The following DYSF variants were observed in gnomAD, a reference collection of about 807,000 sequenced individuals.
The protein encoded by DYSF is dystrophy-associated fer-1-like 1.
In DYSF, 212 loss-of-function variants were observed where a neutral mutation model predicts 274.9. The observed-to-expected ratio is 0.77, with a 90% CI of 0.69 to 0.86. The LOEUF is 0.86. DYSF is among the 40% of genes least tolerant of loss of function. The pLI is 0.00. For synonymous variants in DYSF, 1,091 were observed against 1,078.7 expected, an observed-to-expected ratio of 1.01 and a Z score of -0.22; for missense variants, 2,666 against 2,783.2, an observed-to-expected ratio of 0.96 and a Z score of 0.95.
At chr2:71,531,345 G>T (rs1650980476) in intron 14 of DYSF, among the ~76,000 whole-genome samples, 1 of 151,974 alleles carries the variant, frequency 6.6e-6, no homozygotes, top group African/African-American at 2.4e-5. Context: ...AAATGTATTT[G>T]CAAGCCCAAA....
At chr2:71,530,697 G>A (rs533970224) in intron 14 of DYSF, among the ~76,000 whole-genome samples, 3 of 152,296 alleles carry the variant, frequency 2.0e-5, no homozygotes, top group Admixed American at 2.0e-4. Context: ...AGCCTCCTCG[G>A]TGGACCCCAG....
chr2:71,572,318 AATCACACCCAGCACACCCACAG>A (rs2092540502), intron 29 of DYSF, among the ~76,000 whole-genome samples: 1 of 94,464 alleles, frequency 1.1e-5, no homozygotes, highest in Non-Finnish European at 2.2e-5. Context: ...AGCACACAGA[AATCACACCCAGCACACCCACAG>A]ATCACACCCA....
chr2:71,512,341 T>C (rs1416226449), intron 5 of DYSF, among the ~76,000 whole-genome samples: 1 of 152,192 alleles, frequency 6.6e-6, no homozygotes, highest in Non-Finnish European at 1.5e-5. Flanking sequence ...CCTTTGGTGA[T>C]GGTGTGTGAC....
upstream of DYSF, among the ~76,000 whole-genome samples, chr2:71,465,403 G>C (rs1043841436): frequency 4.6e-5 from 7 of 152,162 alleles, no homozygotes; most frequent in African/African-American, 1.7e-4. Flanking sequence ...AGCAAACTGA[G>C]AGTGAGGTTG....
intron 22 of DYSF, among the ~76,000 whole-genome samples, chr2:71,560,862 A>G (rs1240648261): frequency 1.3e-5 from 2 of 151,622 alleles, no homozygotes; most frequent in African/African-American, 4.8e-5. Flanking sequence ...CAAGGGGGTG[A>G]GGTGGGGGCA....
At chr2:71,573,959 A>G (rs930622630) in intron 29 of DYSF, among the ~76,000 whole-genome samples, 8 of 151,990 alleles carry the variant, frequency 5.3e-5, no homozygotes, top group African/African-American at 1.7e-4. Flanking sequence ...GGTAGCTGGG[A>G]TTACAGACAT....
chr2:71,641,178 A>ATTTTTTTTTTTTT (rs10683765), intron 41 of DYSF, among the ~76,000 whole-genome samples: 1 of 124,544 alleles, frequency 8.0e-6, no homozygotes, highest in African/African-American at 3.2e-5. Flanking sequence ...ATGTTTATCT[A>ATTTTTTTTTTTTT]TTTTTTTTTT....
intron 42 of DYSF, 136 bp from the exon 43 acceptor site, chr2:71,656,026 T>G (rs1553408191): frequency 4.1e-6 from 5 of 1,206,560 alleles, no homozygotes; most frequent in Non-Finnish European, 6.0e-6. Flanking sequence ...CTCCTTTTCT[T>G]CTTCTCTCTT....
intron 36 of DYSF, among the ~76,000 whole-genome samples, chr2:71,604,843 A>G (rs942730790): frequency 6.6e-6 from 1 of 152,180 alleles, no homozygotes; most frequent in African/African-American, 2.4e-5. Context: ...AAGAGGTGCC[A>G]CTGAGCTAGC....
intron 32 of DYSF, among the ~76,000 whole-genome samples, chr2:71,593,333 G>A (rs181002146): frequency 6.6e-6 from 1 of 151,994 alleles, no homozygotes; most frequent in African/African-American, 2.4e-5. Flanking sequence ...ATTTCCCCTT[G>A]TTGGCCAGGC....
At chr2:71,518,105 A>G (rs2086847541) in intron 10 of DYSF, among the ~76,000 whole-genome samples, 1 of 152,120 alleles carries the variant, frequency 6.6e-6, no homozygotes, top group South Asian at 2.1e-4. Context: ...GAGGCAGTGG[A>G]GAGAGGGGAA....
At chr2:71,681,556 C>T (rs1284647886) in intron 54 of DYSF, among the ~76,000 whole-genome samples, 1 of 152,236 alleles carries the variant, frequency 6.6e-6, no homozygotes, top group Non-Finnish European at 1.5e-5. Flanking sequence ...ACCAAGCTGC[C>T]TTCGGTGGCT....
chr2:71,613,367 T>C lies in DYSF; in HGVS notation c.4421T>C (p.Val1474Ala), dbSNP rs1574354256. 6.2e-7 allele frequency: 1 copy of C among 1,613,596 alleles called. No homozygotes were observed. The change falls in exon 40 of 56, where the codon GTG becomes GCG. Residue 1474 changes from valine (V) to alanine (A), a missense_variant. By Grantham distance (64) the Val-to-Ala change is moderately conservative. This residue lies in a region of DYSF where 1,460 missense variants were observed against 1,502.1 expected (regional missense o/e 0.97). Transcript: ENST00000410020. ...AGCCTACTCAGTCCTGGGGAAGACG[T>C]GCTCATCGACATTGATGACAAGGAG... ...DVSLLSPGED[V>A]LIDIDDKEPL... is the part of the protein sequence containing the mutation.
intron 17 of DYSF, among the ~76,000 whole-genome samples, chr2:71,545,557 TA>T (rs2090400842): frequency 6.6e-6 from 1 of 152,146 alleles, no homozygotes; most frequent in Admixed American, 6.5e-5. Context: ...TTGGGGGTGG[TA>T]ATGCAGACAG....
chr2:71,581,015 A>G (rs1284983608), intron 30 of DYSF, among the ~76,000 whole-genome samples: 2 of 152,228 alleles, frequency 1.3e-5, no homozygotes, highest in Non-Finnish European at 2.9e-5. Flanking sequence ...GAGTGACCAT[A>G]TAATTTACTG....
At position 71,611,587 on chromosome 2, in the gene DYSF, G is replaced by A; in HGVS notation, c.4182G>A (p.Lys1394=). 1 of 1,614,082 alleles carries A rather than the reference G, an allele frequency of 6.2e-7. No homozygotes were observed. The highest frequency in any genetic ancestry group is 8.5e-7 in the Non-Finnish European group (1 of 1,180,012). ...CCTGTGTCATCAGGAACCTCCGGAA[G>A]AACCCCAACTTTGACATCTGCACCC... ...VQSCVIRNLR[K]NPNFDICTLF... The change falls in exon 38 of 56, where the codon AAG becomes AAA. Residue 1394 remains lysine, a synonymous_variant. Transcript: ENST00000410020.
intron 14 of DYSF, among the ~76,000 whole-genome samples, chr2:71,529,126 A>G (rs1483908266): frequency 6.6e-6 from 1 of 152,228 alleles, no homozygotes; most frequent in Non-Finnish European, 1.5e-5. Flanking sequence ...TTCTCTGCAC[A>G]AACTGCCCCA....
chr2:71,643,356 C>T (rs1161547943), intron 41 of DYSF, among the ~76,000 whole-genome samples: 5 of 152,160 alleles, frequency 3.3e-5, no homozygotes, highest in Non-Finnish European at 7.3e-5. Context: ...TCACCTAATA[C>T]CTCACATTTA....
At chr2:71,581,454 AG>A (rs2092897529) in intron 30 of DYSF, among the ~76,000 whole-genome samples, 1 of 152,248 alleles carries the variant, frequency 6.6e-6, no homozygotes. Flanking sequence ...TGTCTTTTAA[AG>A]GGTTCCCCTC....
Sources: allele counts gnomAD v4.1 joint callset (sites outside exome capture counted in the v4.1 genomes callset), GRCh38; gene constraint gnomAD v4.1.1; regional missense constraint gnomAD v4.1.1; transcripts MANE v1.5; gene names NCBI Gene and HGNC (gene_info 2026-07-23, HGNC 2026-07-21).